The following COL12A1 variants were observed in gnomAD, a reference collection of about 807,000 sequenced individuals.
COL12A1 encodes the protein collagen alpha-1(XII) chain.
Under a neutral mutation model 349.7 loss-of-function variants are expected in COL12A1, and 114 were observed. That is an observed-to-expected ratio of 0.33 (90% CI 0.28 to 0.38). The LOEUF (loss-of-function observed/expected upper bound fraction) is 0.38, where lower values mean the gene tolerates loss of function less well. COL12A1 is among the 10% of genes least tolerant of loss of function. COL12A1 has a pLI of 1.00. For synonymous variants in COL12A1, 1,369 were observed against 1,329.0 expected (o/e 1.03, Z -0.66); for missense variants, 3,284 against 3,756.9 (o/e 0.87, Z 3.29).
chr6:75,147,559 A>C, intron 23 of COL12A1, 116 bp downstream of exon 23: 1 of 1,043,570 alleles, frequency 9.6e-7, no homozygotes, highest in Non-Finnish European at 1.4e-6. Flanking sequence ...CACTCAGTAA[A>C]TATTTATAGA....
At chr6:75,100,216 A>G (rs867799320) in intron 58 of COL12A1, among the ~76,000 whole-genome samples, 1 of 152,144 alleles carries the variant, frequency 6.6e-6, no homozygotes, top group South Asian at 2.1e-4. Flanking sequence ...CAGGGATGCA[A>G]TTATGCTGCC....
In COL12A1 at chr6:75,156,157, G is replaced by A. The variant is rs534938820; in HGVS notation, c.3250+100C>T. ...TAGTAATTATAATTTAACTTATTACGGAATCAGTTTTAAACATTTACAAAT... is the reference window on the plus strand; with the variant it reads ...TAGTAATTATAATTTAACTTATTACAGAATCAGTTTTAAACATTTACAAAT... On this transcript the variant is annotated intron_variant, in intron 15 of 65. Coordinates refer to ENST00000322507, the MANE Select transcript of COL12A1 (RefSeq NM_004370.6). 2.3e-5 allele frequency: 31 copies of A among 1,365,228 alleles called. No homozygotes were observed. The East Asian group carries it at 2.8e-4, about 12-fold the overall frequency. The allele number at this position is 1,365,228 out of a possible 1,614,324, so 84.6% of individuals were successfully genotyped here. A position where few individuals can be genotyped will look rare whatever the true frequency, so the allele number is the denominator to read the frequency against.
chr6:75,165,885 C>CTA, intron 13 of COL12A1, 106 bp from the exon 14 acceptor site: 1 of 1,139,606 alleles, frequency 8.8e-7, no homozygotes, highest in Non-Finnish European at 1.2e-6. Flanking sequence ...GACTCACACT[C>CTA]AATTTGTCTA....
At chr6:75,146,458 A>G (rs1203698115) in intron 23 of COL12A1, among the ~76,000 whole-genome samples, 1 of 152,216 alleles carries the variant, frequency 6.6e-6, no homozygotes, top group African/African-American at 2.4e-5. Context: ...CGTTACCACT[A>G]TCTTGTAGAA....
intron 8 of COL12A1, among the ~76,000 whole-genome samples, chr6:75,185,249 G>A (rs989827306): frequency 1.3e-5 from 2 of 152,198 alleles, no homozygotes; most frequent in Admixed American, 1.3e-4. Flanking sequence ...AGCTTCTTAA[G>A]CTGATAAACA....
intron 13 of COL12A1, 121 bp downstream of exon 13, chr6:75,174,917 G>T: frequency 8.9e-7 from 1 of 1,123,362 alleles, no homozygotes; most frequent in Admixed American, 2.5e-5. Flanking sequence ...TTTCAATATG[G>T]ATTCTTTTTA....
chr6:75,175,768 G>T (rs947666571), intron 12 of COL12A1, among the ~76,000 whole-genome samples: 4 of 152,146 alleles, frequency 2.6e-5, no homozygotes, highest in African/African-American at 9.7e-5. Context: ...TAATAAAAAT[G>T]ATAAATTATA....
intron 42 of COL12A1, among the ~76,000 whole-genome samples, chr6:75,123,697 G>A (rs934279929): frequency 3.9e-5 from 6 of 152,252 alleles, no homozygotes; most frequent in African/African-American, 1.4e-4. Context: ...CCTTCTCAGC[G>A]AGAGCCATCT....
intron 21 of COL12A1, among the ~76,000 whole-genome samples, chr6:75,149,126 G>A (rs1038649051): frequency 1.3e-5 from 2 of 152,004 alleles, no homozygotes; most frequent in African/African-American, 2.4e-5. Context: ...GTCTTGGGTA[G>A]GTCTTTATTA....
intron 10 of COL12A1, among the ~76,000 whole-genome samples, chr6:75,182,097 A>C (rs1769339677): frequency 7.3e-4 from 2 of 2,726 alleles, no homozygotes; most frequent in East Asian, 9.7e-3. Context: ...CCCTGTCTCA[A>C]AAAAAAAAAA....
intron 53 of COL12A1, 90 bp from the exon 54 acceptor site, chr6:75,105,382 T>C (rs895620827): frequency 1.2e-6 from 1 of 842,664 alleles, no homozygotes; most frequent in Admixed American, 2.4e-5. Flanking sequence ...CAAGGAAGTC[T>C]GTTTCCCAAC....
chr6:75,172,115 G>T (rs901225999), intron 13 of COL12A1, among the ~76,000 whole-genome samples: 1 of 152,108 alleles, frequency 6.6e-6, no homozygotes, highest in Non-Finnish European at 1.5e-5. Context: ...CTTAGAGATT[G>T]TTTCTTATCA....
intron 47 of COL12A1, among the ~76,000 whole-genome samples, chr6:75,116,794 C>T (rs924768278): frequency 3.3e-5 from 5 of 152,098 alleles, no homozygotes; most frequent in Non-Finnish European, 5.9e-5. Flanking sequence ...GATAAATTGC[C>T]TCCTGGTAAT....
intron 12 of COL12A1, among the ~76,000 whole-genome samples, chr6:75,176,568 T>C (rs1170542274): frequency 2.0e-5 from 3 of 152,084 alleles, no homozygotes; most frequent in Admixed American, 6.6e-5. Flanking sequence ...GACCAAGAGA[T>C]AATGGATACT....
intron 3 of COL12A1, among the ~76,000 whole-genome samples, chr6:75,193,823 G>A (rs535466407): frequency 1.5e-3 from 227 of 151,780 alleles, no homozygotes; most frequent in Non-Finnish European, 2.7e-3. Context: ...GAGAACATGC[G>A]GTGTTTGGTT....
intron 2 of COL12A1, among the ~76,000 whole-genome samples, chr6:75,198,899 A>G (rs1438671402): frequency 6.6e-6 from 1 of 152,218 alleles, no homozygotes; most frequent in South Asian, 2.1e-4. Context: ...TACTACCTTA[A>G]TAGGAGAAAT....
rs1410530659 is a variant in COL12A1, at chr6:75,102,059, T to C, written c.8416-7A>G. 6.2e-7 allele frequency: 1 copy of C among 1,613,064 alleles called. No individual in the cohort carries two copies. The highest frequency in any genetic ancestry group is 8.5e-7 in the Non-Finnish European group (1 of 1,179,650). On this transcript the variant is annotated splice_region_variant and splice_polypyrimidine_tract_variant and intron_variant, in intron 56 of 65. Transcript: ENST00000322507. The stretch of plus-strand genomic sequence containing the variant: ...CTTTCATCCCTTGGCGACCCTAGAG[T>C]GAGCAATGGGAAAACAGTTCTCAGG...
intron 13 of COL12A1, among the ~76,000 whole-genome samples, chr6:75,168,763 G>A (rs10080645): frequency 6.6e-6 from 1 of 152,052 alleles, no homozygotes; most frequent in South Asian, 2.1e-4. Context: ...GCATTTATTC[G>A]GGAGGTGTGC....
At chr6:75,123,830 C>A in intron 42 of COL12A1, 118 bp downstream of exon 42, 1 of 1,064,984 alleles carries the variant, frequency 9.4e-7, no homozygotes, top group Non-Finnish European at 1.3e-6. Context: ...GCCATCATCC[C>A]ATCATTATTG....
Sources: allele counts gnomAD v4.1 joint callset (sites outside exome capture counted in the v4.1 genomes callset), GRCh38; gene constraint gnomAD v4.1.1; transcripts MANE v1.5; gene names NCBI Gene and HGNC (gene_info 2026-07-23, HGNC 2026-07-21).